CFAP77: variants seen among roughly 807,000 people sequenced by gnomAD.
The protein encoded by CFAP77 is cilia- and flagella-associated protein 77.
CFAP77 carries 25 observed loss-of-function variants against 31.1 expected under a neutral mutation model. The observed-to-expected ratio is 0.80, with a 90% CI of 0.59 to 1.12. The LOEUF (loss-of-function observed/expected upper bound fraction) is 1.12. CFAP77 is among the 50% of genes most tolerant of loss of function. CFAP77 has a pLI of 0.00. For missense variants in CFAP77, 377 were observed against 397.3 expected, an observed-to-expected ratio of 0.95 and a Z score of 0.44; for synonymous variants, 151 against 159.9, an observed-to-expected ratio of 0.94 and a Z score of 0.42.
At chr9:132,570,808 G>A (rs1347085430) in intron 5 of CFAP77, among the ~76,000 whole-genome samples, 2 of 152,180 alleles carry the variant, frequency 1.3e-5, no homozygotes, top group Non-Finnish European at 2.9e-5. Flanking sequence ...GACACAGCAT[G>A]AGTGGCAGCT....
intron 1 of CFAP77, among the ~76,000 whole-genome samples, chr9:132,435,695 C>T (rs1205879223): frequency 6.6e-6 from 1 of 152,174 alleles, no homozygotes; most frequent in Non-Finnish European, 1.5e-5. Flanking sequence ...CAGCGTTTGG[C>T]ACTGCCAAGA....
chr9:132,487,356 C>T (rs1851579415), intron 1 of CFAP77, among the ~76,000 whole-genome samples: 1 of 152,160 alleles, frequency 6.6e-6, no homozygotes, highest in South Asian at 2.1e-4. Context: ...CGCCCCCCAG[C>T]CACCAGCCGT....
chr9:132,454,431 A>G (rs1253064492), intron 1 of CFAP77, among the ~76,000 whole-genome samples: 4 of 152,200 alleles, frequency 2.6e-5, no homozygotes, highest in African/African-American at 4.8e-5. Flanking sequence ...ACTTCCCCAC[A>G]TGAATAAAGT....
At chr9:132,459,589 A>G (rs912369269) in intron 1 of CFAP77, among the ~76,000 whole-genome samples, 2 of 115,950 alleles carry the variant, frequency 1.7e-5, no homozygotes, top group African/African-American at 3.6e-5. Context: ...ATGTGTATGT[A>G]TATATATATG....
intron 1 of CFAP77, among the ~76,000 whole-genome samples, chr9:132,417,593 G>A (rs546644939): frequency 6.6e-6 from 1 of 152,320 alleles, no homozygotes; most frequent in South Asian, 2.1e-4. Flanking sequence ...TGCCACCCAC[G>A]AGACTATTTA....
intron 5 of CFAP77, among the ~76,000 whole-genome samples, chr9:132,556,707 G>A (rs867983776): frequency 6.6e-6 from 1 of 152,176 alleles, no homozygotes; most frequent in African/African-American, 2.4e-5. Context: ...GTTTTTAATG[G>A]TCTTTTACAC....
rs1851809661 is a variant in CFAP77, at chr9:132,499,602, T to C, written c.524+2T>C. On this transcript the variant is annotated splice_donor_variant, in intron 3 of 5. Transcript: ENST00000393216. LOFTEE classifies it high-confidence loss of function. The surrounding 1 kb of genome is among the most constrained non-coding windows in gnomAD (Gnocchi z 5.4). ...CATGACATTTGGGATCCGGGCACGG[T>C]AAGGTGGCTGGCAGCCAGGGCTTCA... The C allele has an allele frequency of 6.2e-7, 1 of 1,613,870 alleles. No homozygotes were observed.
chr9:132,519,824 A>G (rs923463839), intron 3 of CFAP77, among the ~76,000 whole-genome samples: 10 of 42,738 alleles, frequency 2.3e-4, no homozygotes, highest in East Asian at 3.3e-3. Flanking sequence ...GGATGGATGG[A>G]TGGATGGATG....
chr9:132,439,415 C>G (rs1053141909), intron 1 of CFAP77, among the ~76,000 whole-genome samples: 1 of 152,136 alleles, frequency 6.6e-6, no homozygotes, highest in Admixed American at 6.5e-5. Flanking sequence ...ACCCAGGCAG[C>G]TGAAGCATCT....
At chr9:132,557,136 T>G (rs1476907149) in intron 5 of CFAP77, among the ~76,000 whole-genome samples, 6 of 152,140 alleles carry the variant, frequency 3.9e-5, no homozygotes, top group Non-Finnish European at 8.8e-5. Flanking sequence ...GGTGTGTGTG[T>G]GCAGGGTGTG....
intron 1 of CFAP77, among the ~76,000 whole-genome samples, chr9:132,420,418 C>T (rs796081734): frequency 4.0e-5 from 6 of 150,556 alleles, no homozygotes; most frequent in African/African-American, 1.5e-4. Context: ...TTTGAGAGGC[C>T]GAGGTGGGCG....
chr9:132,472,368 A>G (rs1851275300), intron 1 of CFAP77, among the ~76,000 whole-genome samples: 1 of 152,244 alleles, frequency 6.6e-6, no homozygotes, highest in Non-Finnish European at 1.5e-5. Flanking sequence ...AATTAGCTGC[A>G]TTGTGGCTAA....
intron 1 of CFAP77, among the ~76,000 whole-genome samples, chr9:132,464,634 CCT>C (rs1564213813): frequency 1.3e-5 from 2 of 152,206 alleles, no homozygotes; most frequent in Non-Finnish European, 2.9e-5. Flanking sequence ...GTTTTCCATT[CCT>C]TTTTTGGCCT....
intron 3 of CFAP77, among the ~76,000 whole-genome samples, chr9:132,532,544 T>A (rs1028357220): frequency 6.6e-6 from 1 of 152,162 alleles, no homozygotes; most frequent in African/African-American, 2.4e-5. Flanking sequence ...TTTTAAGTGT[T>A]GACAATGATT....
intron 1 of CFAP77, among the ~76,000 whole-genome samples, chr9:132,425,229 G>A (rs1006309460): frequency 6.6e-6 from 1 of 152,150 alleles, no homozygotes; most frequent in African/African-American, 2.4e-5. Context: ...GCGGCCTGAG[G>A]TTCTAATTCT....
At chr9:132,459,307 G>A (rs1464448165) in intron 1 of CFAP77, among the ~76,000 whole-genome samples, 4 of 152,050 alleles carry the variant, frequency 2.6e-5, no homozygotes, top group African/African-American at 9.7e-5. Flanking sequence ...TCCTGACCTC[G>A]TGATCTGCCC....
At chr9:132,558,912 G>C (rs59535253) in intron 5 of CFAP77, among the ~76,000 whole-genome samples, 34,039 of 151,256 alleles carry the variant, frequency 0.23, 4,773 homozygotes, top group East Asian at 0.31. Flanking sequence ...TGCTCAGGAG[G>C]CTGAGGCAGG....
intron 5 of CFAP77, 23 bp downstream of exon 5, chr9:132,543,070 C>A (rs944694340): frequency 6.3e-7 from 1 of 1,591,206 alleles, no homozygotes; most frequent in East Asian, 2.2e-5. Flanking sequence ...TTCATCCACA[C>A]CCCTCCCTGC....
intron 1 of CFAP77, among the ~76,000 whole-genome samples, chr9:132,413,273 A>G (rs1850039924): frequency 1.3e-5 from 2 of 152,222 alleles, no homozygotes; most frequent in African/African-American, 4.8e-5. Flanking sequence ...GCAAGTTGCC[A>G]CCATAACCAA....
Sources: gnomAD v4.1 joint callset for allele counts (sites outside exome capture counted in the v4.1 genomes callset) on GRCh38, gnomAD v4.1.1 for gene constraint, Gnocchi (gnomAD v3.1) non-coding constraint, MANE v1.5 for transcripts, NCBI Gene and HGNC (gene_info 2026-07-23, HGNC 2026-07-21) for gene names.